DYM: variants seen among roughly 807,000 people sequenced by gnomAD.
The protein encoded by DYM is dymeclin, also known as dyggve-Melchior-Clausen syndrome protein.
A neutral mutation model predicts 93.1 loss-of-function variants in DYM; 78 were observed. That is an observed-to-expected ratio of 0.84 (90% CI 0.70 to 1.01). The LOEUF (loss-of-function observed/expected upper bound fraction) is 1.01. Ranked by LOEUF, DYM falls within the 50% of genes least tolerant of loss-of-function variation. The pLI, the probability that DYM is intolerant of heterozygous loss-of-function variation, is 0.00. For synonymous variants in DYM, 321 were observed against 319.7 expected (o/e 1.00, Z -0.04); for missense variants, 789 against 845.0 (o/e 0.93, Z 0.82).
At chr18:49,230,068 C>A (rs76446148) in intron 13 of DYM, among the ~76,000 whole-genome samples, 2,264 of 152,248 alleles carry the variant, frequency 0.015, 55 homozygotes, top group African/African-American at 0.051. Context: ...AATGGTTTGA[C>A]TACAGAGCAG....
intron 16 of DYM, among the ~76,000 whole-genome samples, chr18:49,105,618 C>T (rs981456869): frequency 6.6e-6 from 1 of 152,164 alleles, no homozygotes; most frequent in Non-Finnish European, 1.5e-5. Context: ...TCTTTGTTCT[C>T]TTTGGTTTCA....
At position 49,355,598 on chromosome 18, in the gene DYM, A is replaced by G. The variant is rs371406904; in HGVS notation, c.494+7563T>C. Among the ~76,000 whole-genome samples the G allele has an allele frequency of 1.4e-4, 21 of 152,308 alleles. No individual in the cohort carries two copies. In the South Asian group the frequency reaches 4.1e-3, roughly 30 times the overall value. ...ATATTTGGGTGATAATCCAGTGCCA[A>G]TGCAGGTTTATTAATTATAACAAAT... On this transcript the variant is annotated intron_variant, in intron 6 of 17. Transcript: ENST00000675505.
At chr18:49,223,039 C>T (rs1037401700) in intron 13 of DYM, among the ~76,000 whole-genome samples, 3 of 151,954 alleles carry the variant, frequency 2.0e-5, no homozygotes, top group East Asian at 1.9e-4. Context: ...AACAGGAACA[C>T]GTATTAAGTA....
intron 17 of DYM, among the ~76,000 whole-genome samples, chr18:49,069,315 TTATC>T (rs2076705695): frequency 6.6e-6 from 1 of 152,172 alleles, no homozygotes; most frequent in South Asian, 2.1e-4. Flanking sequence ...ATTCAGCAAT[TTATC>T]TATTCTGAAA....
intron 8 of DYM, among the ~76,000 whole-genome samples, chr18:49,287,703 G>A (rs1009125394): frequency 6.6e-6 from 1 of 151,926 alleles, no homozygotes; most frequent in Non-Finnish European, 1.5e-5. Flanking sequence ...AAATTAGCCA[G>A]GCGTGGTGGC....
intron 3 of DYM, among the ~76,000 whole-genome samples, chr18:49,388,936 GA>G (rs2068905464): frequency 7.0e-6 from 1 of 142,858 alleles, no homozygotes; most frequent in Non-Finnish European, 1.5e-5. Context: ...AAAGAAAAAA[GA>G]GAAGGAAAAT....
intron 1 of DYM, among the ~76,000 whole-genome samples, chr18:49,445,389 T>G (rs946939820): frequency 6.6e-6 from 1 of 152,110 alleles, no homozygotes; most frequent in African/African-American, 2.4e-5. Flanking sequence ...TTTAACCGTT[T>G]CATATTGCTT....
At chr18:49,317,890 G>T (rs1407364742) in intron 8 of DYM, among the ~76,000 whole-genome samples, 1 of 151,688 alleles carries the variant, frequency 6.6e-6, no homozygotes, top group Non-Finnish European at 1.5e-5. Context: ...TGCACTGAGG[G>T]TGCAGGTACA....
rs377263938 is a variant in DYM, at chr18:49,088,536, T to G, written c.2025+8866A>C. Among the ~76,000 whole-genome samples, 8 of 148,268 alleles carry G rather than the reference T, an allele frequency of 5.4e-5. No homozygotes were observed. The East Asian group carries it at 1.2e-3, about 22-fold the overall frequency. On this transcript the variant is annotated intron_variant, in intron 17 of 17. Transcript: ENST00000675505. ...GTAACAAACCTGCACATTGTGCACA[T>G]GTACCCTAGAACTTAAAAAAAAAAA... is the stretch of plus-strand genomic sequence containing the variant.
chr18:49,388,505 CAGG>C lies in DYM; in HGVS notation c.193+3085_193+3087del, dbSNP rs1367820967. On this transcript the variant is annotated intron_variant, in intron 3 of 17. Transcript: ENST00000675505. ...TTGAACAGAAGTGTAACAAGCGTCC[CAGG>C]AGGAGAGGAGAGACAGAATAGAACA... is the stretch of plus-strand genomic sequence containing the variant. Among the ~76,000 whole-genome samples, 4 of 151,812 alleles carry C rather than the reference CAGG, an allele frequency of 2.6e-5. No homozygotes were observed. In the East Asian group the frequency reaches 5.8e-4, roughly 22 times the overall value.
chr18:49,337,573 T>C (rs1317545830), intron 6 of DYM, among the ~76,000 whole-genome samples: 1 of 152,054 alleles, frequency 6.6e-6, no homozygotes, highest in Admixed American at 6.5e-5. Flanking sequence ...CCTGAGAACA[T>C]AGCCAATCAC....
chr18:49,225,287 G>T, intron 13 of DYM, among the ~76,000 whole-genome samples: 1 of 152,056 alleles, frequency 6.6e-6, no homozygotes, highest in East Asian at 1.9e-4. Flanking sequence ...GGAAAATCTG[G>T]AATGAATGTC....
chr18:49,099,232 G>C (rs181674155), intron 16 of DYM, among the ~76,000 whole-genome samples: 1 of 152,202 alleles, frequency 6.6e-6, no homozygotes, highest in East Asian at 1.9e-4. Context: ...CATGCTGAAA[G>C]CTGATATTTC....
At chr18:49,377,552 T>G (rs547697166) in intron 5 of DYM, among the ~76,000 whole-genome samples, 32 of 152,070 alleles carry the variant, frequency 2.1e-4, no homozygotes, top group African/African-American at 6.5e-4. Flanking sequence ...AGAGCGAGAC[T>G]CCATCTCAAA....
intron 10 of DYM, among the ~76,000 whole-genome samples, chr18:49,277,649 T>C (rs1331203214): frequency 2.6e-5 from 4 of 152,210 alleles, no homozygotes; most frequent in African/African-American, 7.2e-5. Flanking sequence ...CTCACTGCCA[T>C]GTGAGAACAC....
At chr18:49,280,695 C>T (rs1287300492) in intron 10 of DYM, among the ~76,000 whole-genome samples, 1 of 152,224 alleles carries the variant, frequency 6.6e-6, no homozygotes, top group Non-Finnish European at 1.5e-5. Flanking sequence ...CTCCTACCCT[C>T]CGTCTGTGTC....
intron 14 of DYM, among the ~76,000 whole-genome samples, chr18:49,195,033 T>A (rs6507887): frequency 0.78 from 118,393 of 152,010 alleles, 46,241 homozygotes; most frequent in Non-Finnish European, 0.81. Flanking sequence ...AAATGTCAAG[T>A]GGCAAAATTT....
At chr18:49,316,259 G>T (rs968095974) in intron 8 of DYM, among the ~76,000 whole-genome samples, 1 of 152,096 alleles carries the variant, frequency 6.6e-6, no homozygotes, top group African/African-American at 2.4e-5. Context: ...TCCAGGCTGG[G>T]TGACAGAGTG....
chr18:49,183,072 T>G (rs972356679), intron 14 of DYM, among the ~76,000 whole-genome samples: 2 of 152,204 alleles, frequency 1.3e-5, no homozygotes, highest in African/African-American at 2.4e-5. Flanking sequence ...TTACTTGAAG[T>G]GGTGATTGCA....
Sources: gnomAD v4.1 joint callset for allele counts (sites outside exome capture counted in the v4.1 genomes callset) on GRCh38, gnomAD v4.1.1 for gene constraint, MANE v1.5 for transcripts, NCBI Gene and HGNC (gene_info 2026-07-23, HGNC 2026-07-21) for gene names.